The following SLC17A3 variants were observed in gnomAD, a reference collection of about 807,000 sequenced individuals.
SLC17A3 encodes the protein solute carrier family 17 member 3, also known as sodium-dependent phosphate transport protein 4.
Under a neutral mutation model 60.3 loss-of-function variants are expected in SLC17A3, and 61 were observed. The observed-to-expected ratio is 1.01, with a 90% CI of 0.82 to 1.25. The LOEUF is 1.25. SLC17A3 is among the 50% of genes most tolerant of loss of function. The pLI is 0.00. For synonymous variants in SLC17A3, 192 were observed against 208.9 expected, an observed-to-expected ratio of 0.92 and a Z score of 0.70; for missense variants, 624 against 594.9, an observed-to-expected ratio of 1.05 and a Z score of -0.51.
At chr6:25,870,403 A>G (rs1186153986) in intron 1 of SLC17A3, among the ~76,000 whole-genome samples, 1 of 152,000 alleles carries the variant, frequency 6.6e-6, no homozygotes, top group Non-Finnish European at 1.5e-5. Flanking sequence ...CCCTTGAATG[A>G]TACTTATTCT....
At chr6:25,852,348 G>T (rs1765292624) in intron 6 of SLC17A3, among the ~76,000 whole-genome samples, 1 of 152,002 alleles carries the variant, frequency 6.6e-6, no homozygotes, top group Admixed American at 6.6e-5. Context: ...TGGGCTTGAG[G>T]TTCATTGACT....
In SLC17A3 at chr6:25,861,699, C is replaced by A. The variant is rs767800626; in HGVS notation, c.550G>T (p.Gly184Trp). The A allele has an allele frequency of 2.5e-6, 4 of 1,613,948 alleles. No individual in the cohort carries two copies. The Admixed American group carries it at 6.7e-5, about 27-fold the overall frequency. Residue 184 changes from glycine to tryptophan, a missense_variant, in exon 5 of 13, where the codon GGG (glycine) becomes TGG (tryptophan). Physicochemically the swap from Gly to Trp is radical, Grantham distance 184 (BLOSUM62 -2). Transcript: ENST00000397060. Reference protein sequence around the residue: ...VQGLSQSSILGGQFAIWEKWG... With the variant: ...VQGLSQSSILWGQFAIWEKWG... ...TTTTCCCAAATTGCAAACTGACCCC[C>A]AAGTATTGAGGACTGAAATTAAAAT... is the stretch of plus-strand genomic sequence containing the variant.
Position 25,850,908 on chromosome 6 carries a change from G to T in SLC17A3, c.713-31C>A, listed in dbSNP as rs369000438. 177 of 1,514,154 alleles carry T rather than the reference G, an allele frequency of 1.2e-4. 1 individual carries two copies. The African/African-American group carries it at 2.2e-3, about 19-fold the overall frequency. 93.8% of individuals were successfully genotyped at this position (1,514,154 alleles called of 1,614,324 possible). ...AGCACAGGGTAAATTTGGTAAATGG[G>T]CTGTTTTCTGCTTTTTGGGTGAACT... On this transcript the variant is annotated intron_variant, in intron 6 of 12. Transcript: ENST00000397060.
At chr6:25,871,083 A>G (rs1273345257) in intron 1 of SLC17A3, among the ~76,000 whole-genome samples, 1 of 152,060 alleles carries the variant, frequency 6.6e-6, no homozygotes, top group Non-Finnish European at 1.5e-5. Flanking sequence ...CAGTGTGGCG[A>G]TTCCTCAGGG....
intron 1 of SLC17A3, among the ~76,000 whole-genome samples, chr6:25,873,498 A>G (rs940799129): frequency 6.6e-6 from 1 of 152,036 alleles, no homozygotes; most frequent in Non-Finnish European, 1.5e-5. Context: ...TACCTTCTCC[A>G]TTCTGGCCTT....
chr6:25,871,686 A>T (rs1463276528), intron 1 of SLC17A3, among the ~76,000 whole-genome samples: 3 of 152,078 alleles, frequency 2.0e-5, no homozygotes. Context: ...TGAATTATTG[A>T]TGTTGGAACA....
At position 25,861,699 on chromosome 6, in the gene SLC17A3, CAAGT is replaced by C. The variant is rs1561858107; in HGVS notation, c.546_549del (p.Ile182MetfsTer38). The C allele has an allele frequency of 6.2e-7, 1 of 1,613,948 alleles. No homozygotes were observed. Among genetic ancestry groups the C allele is most frequent in the Non-Finnish European group, 8.5e-7 (1 of 1,179,860 alleles). ...TTTTCCCAAATTGCAAACTGACCCC[CAAGT>C]ATTGAGGACTGAAATTAAAATGATT... is the stretch of plus-strand genomic sequence containing the variant. On this transcript the variant is annotated frameshift_variant, in exon 5 of 13. Transcript: ENST00000397060. LOFTEE classifies it high-confidence loss of function.
intron 5 of SLC17A3, among the ~76,000 whole-genome samples, chr6:25,856,091 C>A (rs1765352126): frequency 6.6e-6 from 1 of 152,146 alleles, no homozygotes; most frequent in African/African-American, 2.4e-5. Flanking sequence ...AGGCTACGTG[C>A]ATTTTAAATT....
chr6:25,868,383 G>A lies in SLC17A3; in HGVS notation c.5C>T (p.Ala2Val), dbSNP rs753109881. Residue 2 changes from alanine (A) to valine (V), a missense_variant, in exon 2 of 13, where the codon GCC (alanine) becomes GTC (valine). Ala to Val is a moderately conservative substitution (Grantham distance 64, BLOSUM62 0). Coordinates refer to ENST00000397060, the MANE Select transcript of SLC17A3 (RefSeq NM_001098486.2). Reference sequence around the variant, plus strand: ...TGTGGGACTCAACTCTGTCTTGGTGGCCATTGTGTTTCTCCTCTCCTAGTG... The same window carrying A: ...TGTGGGACTCAACTCTGTCTTGGTGACCATTGTGTTTCTCCTCTCCTAGTG... Reference protein sequence around the residue: MATKTELSPTAR... With the variant: MVTKTELSPTAR... 8 of 1,611,444 alleles carry A rather than the reference G, an allele frequency of 5.0e-6. No individual in the cohort carries two copies. The Admixed American group carries it at 1.3e-4, about 27-fold the overall frequency.
At chr6:25,850,248 T>C in intron 8 of SLC17A3, 71 bp from the exon 9 acceptor site, 1 of 1,481,406 alleles carries the variant, frequency 6.8e-7, no homozygotes, top group Non-Finnish European at 9.3e-7. Flanking sequence ...GATAAATTAC[T>C]ACTAATAATA....
chr6:25,849,458 G>A lies in SLC17A3; in HGVS notation c.1278C>T (p.Ser426=). ...CTCTTGATGCTCCCATGAGAAAACT[G>A]GAATACCTGTGGGTGACAGGAATGT... ...INVLDIAPRY[S]SFLMGASRGF... is the part of the protein sequence containing the mutation. Residue 426 remains serine (S), a synonymous_variant, in exon 11 of 13, where the codon TCC becomes TCT. Transcript: ENST00000397060. 6.2e-7 allele frequency: 1 copy of A among 1,605,272 alleles called. No individual in the cohort carries two copies. The highest frequency in any genetic ancestry group is 1.7e-4 in the Middle Eastern group (1 of 6,046).
Position 25,871,282 on chromosome 6 carries a change from A to G in SLC17A3, c.-33-2862T>C, listed in dbSNP as rs989594835. 2.0e-5 allele frequency among the ~76,000 whole-genome samples: 3 copies of G among 152,098 alleles called. No individual in the cohort carries two copies. In the South Asian group the frequency reaches 6.2e-4, roughly 32 times the overall value. On this transcript the variant is annotated intron_variant, in intron 1 of 12. Coordinates refer to ENST00000397060, the MANE Select transcript of SLC17A3 (RefSeq NM_001098486.2). ...AGACTGGATTAAGAAAATGTGGCAC[A>G]TATACACCATGGAATACTATGCAGC...
chr6:25,865,226 G>A (rs964685679), intron 2 of SLC17A3, among the ~76,000 whole-genome samples: 1 of 151,966 alleles, frequency 6.6e-6, no homozygotes, highest in Non-Finnish European at 1.5e-5. Flanking sequence ...ATGATTCCAT[G>A]AGAATACTTC....
intron 2 of SLC17A3, among the ~76,000 whole-genome samples, chr6:25,866,645 G>A (rs1354433426): frequency 6.6e-6 from 1 of 151,852 alleles, no homozygotes; most frequent in Non-Finnish European, 1.5e-5. Flanking sequence ...AAGAATTTTG[G>A]GAGGTATTGA....
At chr6:25,863,755 T>C (rs1422460232) in intron 2 of SLC17A3, among the ~76,000 whole-genome samples, 2 of 152,034 alleles carry the variant, frequency 1.3e-5, no homozygotes, top group Non-Finnish European at 2.9e-5. Context: ...GGTGGATAAA[T>C]CTATTCAATG....
intron 5 of SLC17A3, among the ~76,000 whole-genome samples, chr6:25,858,060 G>A (rs1301616282): frequency 6.6e-6 from 1 of 152,178 alleles, no homozygotes; most frequent in East Asian, 1.9e-4. Flanking sequence ...CTGTTACCCA[G>A]GCTGGAGTGC....
At chr6:25,872,776 A>T (rs1033370274) in intron 1 of SLC17A3, among the ~76,000 whole-genome samples, 14 of 151,980 alleles carry the variant, frequency 9.2e-5, no homozygotes, top group Admixed American at 2.6e-4. Flanking sequence ...ATTCATCAGT[A>T]TCATCTCCAG....
intron 1 of SLC17A3, among the ~76,000 whole-genome samples, chr6:25,872,846 C>A (rs1343950432): frequency 6.6e-6 from 1 of 151,964 alleles, no homozygotes; most frequent in Non-Finnish European, 1.5e-5. Context: ...TGTCTCCTGA[C>A]TTTTGAAAAT....
rs182616042 is a variant in SLC17A3, at chr6:25,852,045, T to C, written c.713-1168A>G. ...TTTCTACATCTGAAAACATCTCTAT[T>C]TTGCATTTGTTTTTGAAACTTTTTT... On this transcript the variant is annotated intron_variant, in intron 6 of 12. Coordinates refer to ENST00000397060, the MANE Select transcript of SLC17A3 (RefSeq NM_001098486.2). Among the ~76,000 whole-genome samples, 82 of 152,224 alleles carry C rather than the reference T, an allele frequency of 5.4e-4. 1 individual carries two copies. Among genetic ancestry groups the C allele is most frequent in the South Asian group, 4.6e-3 (22 of 4,826 alleles).
Sources: allele counts gnomAD v4.1 joint callset (sites outside exome capture counted in the v4.1 genomes callset), GRCh38; gene constraint gnomAD v4.1.1; transcripts MANE v1.5; gene names NCBI Gene and HGNC (gene_info 2026-07-23, HGNC 2026-07-21).